The following PLEKHH2 variants were observed in gnomAD, a reference collection of about 807,000 sequenced individuals.
PLEKHH2 encodes pleckstrin homology, MyTH4 and FERM domain containing H2.
Under a neutral mutation model 187.9 loss-of-function variants are expected in PLEKHH2, and 129 were observed. That is an observed-to-expected ratio of 0.69 (90% confidence interval 0.59 to 0.79). The LOEUF is 0.79. PLEKHH2 is among the 30% of genes least tolerant of loss of function. The pLI is 0.00. For missense variants in PLEKHH2, 2,076 were observed against 1,751.2 expected, an observed-to-expected ratio of 1.19 and a Z score of -3.31; for synonymous variants, 686 against 605.6, an observed-to-expected ratio of 1.13 and a Z score of -1.95.
At chr2:43,743,042 G>A in intron 22 of PLEKHH2, 124 bp downstream of exon 22, 1 of 692,740 alleles carries the variant, frequency 1.4e-6, no homozygotes, top group Non-Finnish European at 2.1e-6. Context: ...AAATATATTA[G>A]ATTTACTATC....
chr2:43,726,391 C>G lies in PLEKHH2; in HGVS notation c.2661C>G (p.Ile887Met). 6.2e-7 allele frequency: 1 copy of G among 1,611,280 alleles called. No homozygotes were observed. ...GRSLLSTHYT[I>M]VIHPKDQGPT... ...GTCTGTTATCCACACATTATACTATCGTTATCCATCCCAAAGACCAAGGTC... is the reference window on the plus strand; with the variant it reads ...GTCTGTTATCCACACATTATACTATGGTTATCCATCCCAAAGACCAAGGTC... Residue 887 changes from isoleucine (I) to methionine (M), a missense_variant, in exon 17 of 30, where the codon ATC (isoleucine) becomes ATG (methionine). Ile to Met is a conservative substitution (Grantham distance 10). Coordinates refer to ENST00000282406, the MANE Select transcript of PLEKHH2 (RefSeq NM_172069.4).
At chr2:43,716,338 G>A (rs1362807832) in intron 15 of PLEKHH2, among the ~76,000 whole-genome samples, 1 of 152,176 alleles carries the variant, frequency 6.6e-6, no homozygotes, top group East Asian at 1.9e-4. Flanking sequence ...AGTATCTTAA[G>A]TTTGTAGGAC....
At position 43,738,537 on chromosome 2, in the gene PLEKHH2, A is replaced by G. The variant is rs574195132; in HGVS notation, c.3123+17A>G. 5 of 1,574,010 alleles carry G rather than the reference A, an allele frequency of 3.2e-6. No individual in the cohort carries two copies. The highest frequency in any genetic ancestry group is 1.4e-5 in the African/African-American group (1 of 72,804). On this transcript the variant is annotated intron_variant, in intron 20 of 29. Coordinates refer to ENST00000282406, the MANE Select transcript of PLEKHH2 (RefSeq NM_172069.4). ...CCATTGCAGGTAGATATTAATATTG[A>G]TACATATACATGCAATTTAAAGTGT...
rs1418968369 is a variant in PLEKHH2, at chr2:43,697,163, T to A, written c.503-8T>A. On this transcript the variant is annotated splice_polypyrimidine_tract_variant and splice_region_variant and intron_variant, in intron 6 of 29. Coordinates refer to ENST00000282406, the MANE Select transcript of PLEKHH2 (RefSeq NM_172069.4). ...TTCAAATCTTAATTTTGATTAACGA[T>A]GTTGTAGAAGTTCAAGGAAAGAAGT... 2 of 1,553,898 alleles carry A rather than the reference T, an allele frequency of 1.3e-6. No individual in the cohort carries two copies. The highest frequency in any genetic ancestry group is 1.7e-6 in the Non-Finnish European group (2 of 1,150,742).
intron 6 of PLEKHH2, among the ~76,000 whole-genome samples, chr2:43,696,387 G>A (rs1482191959): frequency 6.6e-6 from 1 of 151,554 alleles, no homozygotes; most frequent in Non-Finnish European, 1.5e-5. Flanking sequence ...GGTTAGGGAG[G>A]TGAGGTGGGA....
chr2:43,723,948 G>A (rs1478298839), intron 16 of PLEKHH2, among the ~76,000 whole-genome samples: 1 of 152,216 alleles, frequency 6.6e-6, no homozygotes, highest in Non-Finnish European at 1.5e-5. Context: ...CTGTGGACAT[G>A]TGAGAGATGA....
At chr2:43,641,680 A>G (rs1228334190) in intron 1 of PLEKHH2, among the ~76,000 whole-genome samples, 1 of 152,170 alleles carries the variant, frequency 6.6e-6, no homozygotes, top group East Asian at 1.9e-4. Context: ...ATATGGTATG[A>G]GGTATGGGTC....
intron 19 of PLEKHH2, 31 bp downstream of exon 19, chr2:43,731,633 A>C (rs1671045725): frequency 7.3e-7 from 1 of 1,367,126 alleles, no homozygotes; most frequent in South Asian, 1.3e-5. Context: ...TAAATGATTT[A>C]AGGTAAAATA....
chr2:43,749,365 A>G (rs1050928476), intron 24 of PLEKHH2, among the ~76,000 whole-genome samples: 1 of 152,176 alleles, frequency 6.6e-6, no homozygotes, highest in African/African-American at 2.4e-5. Context: ...CCAAACCAAT[A>G]GATTTCTTAA....
At chr2:43,702,032 G>GCC (rs1366424794) in intron 8 of PLEKHH2, among the ~76,000 whole-genome samples, 8 of 152,176 alleles carry the variant, frequency 5.3e-5, no homozygotes, top group African/African-American at 1.7e-4. Flanking sequence ...GCCTCCCAAA[G>GCC]TGCTGGGATT....
intron 3 of PLEKHH2, 48 bp downstream of exon 3, chr2:43,678,973 TA>T: frequency 7.7e-7 from 1 of 1,294,488 alleles, no homozygotes. Flanking sequence ...ACTACTCACA[TA>T]AAGATTGTTT....
At chr2:43,731,070 G>A (rs1398660381) in intron 18 of PLEKHH2, among the ~76,000 whole-genome samples, 1 of 152,120 alleles carries the variant, frequency 6.6e-6, no homozygotes, top group African/African-American at 2.4e-5. Context: ...TCATAAATGG[G>A]AGCTAAACTG....
At chr2:43,646,481 T>C (rs1187193484) in intron 2 of PLEKHH2, among the ~76,000 whole-genome samples, 2 of 152,186 alleles carry the variant, frequency 1.3e-5, no homozygotes, top group Non-Finnish European at 2.9e-5. Flanking sequence ...CTGCTTTTCT[T>C]GACTTCTGTA....
intron 2 of PLEKHH2, among the ~76,000 whole-genome samples, chr2:43,665,849 G>A (rs1339775103): frequency 1.5e-4 from 20 of 131,592 alleles, no homozygotes; most frequent in Admixed American, 9.0e-4. Context: ...CTCCAGCTGC[G>A]TGCTGGGAGA....
At chr2:43,732,770 G>A (rs1229738956) in intron 19 of PLEKHH2, among the ~76,000 whole-genome samples, 1 of 151,754 alleles carries the variant, frequency 6.6e-6, no homozygotes, top group Admixed American at 6.6e-5. Flanking sequence ...ATTAATTCTT[G>A]TAGTTCCTTG....
intron 29 of PLEKHH2, 64 bp from the exon 30 acceptor site, chr2:43,765,349 T>C (rs1672579862): frequency 3.3e-6 from 5 of 1,517,464 alleles, no homozygotes; most frequent in South Asian, 2.4e-5. Context: ...GCCAACACTT[T>C]ACTCTCTTCT....
intron 19 of PLEKHH2, among the ~76,000 whole-genome samples, chr2:43,738,029 A>G (rs1394735125): frequency 6.6e-6 from 1 of 152,230 alleles, no homozygotes; most frequent in Non-Finnish European, 1.5e-5. Flanking sequence ...ATGCTGGATG[A>G]GATTCACATG....
Position 43,678,933 on chromosome 2 carries a change from A to G in PLEKHH2, c.186+8A>G, listed in dbSNP as rs1399886787. ...GAAAAAGCTTTTCAACAGGTAGAGTATAATTTTACTTTAAATTTTTTTTGC... is the reference window on the plus strand; with the variant it reads ...GAAAAAGCTTTTCAACAGGTAGAGTGTAATTTTACTTTAAATTTTTTTTGC... On this transcript the variant is annotated splice_region_variant and intron_variant, in intron 3 of 29. Coordinates refer to ENST00000282406, the MANE Select transcript of PLEKHH2 (RefSeq NM_172069.4). 3 of 1,598,104 alleles carry G rather than the reference A, an allele frequency of 1.9e-6. No homozygotes were observed. Among genetic ancestry groups the G allele is most frequent in the Non-Finnish European group, 2.6e-6 (3 of 1,169,060 alleles).
At chr2:43,739,899 C>T (rs1351975539) in intron 20 of PLEKHH2, among the ~76,000 whole-genome samples, 1 of 152,226 alleles carries the variant, frequency 6.6e-6, no homozygotes, top group Non-Finnish European at 1.5e-5. Flanking sequence ...CCTTCCTTGA[C>T]TCCACAAGAA....
Sources: allele counts gnomAD v4.1 joint callset (sites outside exome capture counted in the v4.1 genomes callset), GRCh38; gene constraint gnomAD v4.1.1; transcripts MANE v1.5; gene names NCBI Gene and HGNC (gene_info 2026-07-23, HGNC 2026-07-21).